DMD: variants seen among roughly 807,000 people sequenced by gnomAD.
DMD encodes the protein mutant dystrophin.
Under a neutral mutation model 330.1 loss-of-function variants are expected in DMD, and 63 were observed. The observed-to-expected ratio is 0.19, with a 90% CI of 0.16 to 0.24. The LOEUF (loss-of-function observed/expected upper bound fraction) is 0.24, where lower values mean the gene tolerates loss of function less well. Among genes scored for constraint, DMD ranks in the 10% least tolerant of loss-of-function variants. The pLI is 1.00. For synonymous variants in DMD, 1,223 were observed against 959.8 expected (o/e 1.27, Z -5.07); for missense variants, 3,344 against 2,684.1 (o/e 1.25, Z -5.43).
chrX:31,696,962 C>A (rs1003636632), intron 52 of DMD, among the ~76,000 whole-genome samples: 1 of 111,991 alleles, frequency 8.9e-6, no homozygotes, highest in Non-Finnish European at 1.9e-5. Flanking sequence ...CAAGAGTAGA[C>A]CCTGCAGAAA....
intron 78 of DMD, among the ~76,000 whole-genome samples, chrX:31,123,154 T>G (rs2147612974): frequency 8.9e-6 from 1 of 112,001 alleles, no homozygotes; most frequent in South Asian, 3.7e-4. Context: ...ATATAGCTTC[T>G]CTACAAAATG....
intron 43 of DMD, among the ~76,000 whole-genome samples, chrX:32,264,152 T>C (rs766572285): frequency 1.0e-4 from 11 of 110,538 alleles, no homozygotes; most frequent in African/African-American, 2.6e-4. Context: ...CGTGCTGCTG[T>C]TCTTATGATA....
At chrX:32,735,014 C>G (rs1021575300) in intron 7 of DMD, among the ~76,000 whole-genome samples, 8 of 111,003 alleles carry the variant, frequency 7.2e-5, no homozygotes, top group African/African-American at 2.3e-4. Flanking sequence ...ATCTAGAAAA[C>G]CCCACTGTCT....
chrX:31,191,545 T>G (rs1476866793), intron 67 of DMD, among the ~76,000 whole-genome samples: 3 of 110,557 alleles, frequency 2.7e-5, no homozygotes, highest in Non-Finnish European at 5.7e-5. Context: ...TGATAGTGAA[T>G]GAGTCTCACA....
At chrX:32,922,672 G>A (rs1394886099) in intron 2 of DMD, among the ~76,000 whole-genome samples, 1 of 112,502 alleles carries the variant, frequency 8.9e-6, no homozygotes, top group Admixed American at 9.4e-5. Flanking sequence ...GCAGAGCTCA[G>A]GCTTGCCCGG....
At chrX:31,742,535 C>A (rs1427458999) in intron 51 of DMD, among the ~76,000 whole-genome samples, 1 of 111,293 alleles carries the variant, frequency 9.0e-6, no homozygotes, top group Non-Finnish European at 1.9e-5. Flanking sequence ...AGTGGAGTAG[C>A]CAGAACACAC....
At chrX:32,944,735 G>C (rs1188992479) in intron 2 of DMD, among the ~76,000 whole-genome samples, 1 of 109,246 alleles carries the variant, frequency 9.2e-6, no homozygotes, top group Non-Finnish European at 1.9e-5. Context: ...CTCCCGAGTA[G>C]CTGGGATTAC....
Position 33,317,259 on chromosome X carries a change from G to T in DMD, c.7+22000C>A, listed in dbSNP as rs886648408. 4.5e-5 allele frequency among the ~76,000 whole-genome samples: 5 copies of T among 110,876 alleles called. No homozygotes were observed. The Admixed American group carries it at 4.8e-4, about 11-fold the overall frequency. On this transcript the variant is annotated intron_variant, in intron 1 of 17. Coordinates refer to the DMD transcript ENST00000288447. The stretch of plus-strand genomic sequence containing the variant: ...TAAATGGTCTTAAAGAGATTATATT[G>T]CTCATTTGCCAGAATCCATGCTTTC...
At chrX:31,214,796 C>T (rs780355205) in intron 64 of DMD, among the ~76,000 whole-genome samples, 3 of 110,347 alleles carry the variant, frequency 2.7e-5, no homozygotes, top group African/African-American at 9.9e-5. Flanking sequence ...TGAAACTTCA[C>T]AAGTTGGGGA....
chrX:33,080,974 T>TCACACACA (rs763162216), intron 1 of DMD, among the ~76,000 whole-genome samples: 207 of 92,705 alleles, frequency 2.2e-3, no homozygotes, highest in African/African-American at 5.8e-3. Context: ...TTTATAAACA[T>TCACACACA]CACACACACA....
At chrX:33,250,602 G>A (rs895718428) in intron 1 of DMD, among the ~76,000 whole-genome samples, 4 of 110,713 alleles carry the variant, frequency 3.6e-5, no homozygotes, top group African/African-American at 1.3e-4. Flanking sequence ...ATATAAATAC[G>A]TATTGTCTAT....
chrX:32,391,263 G>A (rs1238413562), intron 30 of DMD, among the ~76,000 whole-genome samples: 1 of 111,194 alleles, frequency 9.0e-6, no homozygotes, highest in Non-Finnish European at 1.9e-5. Context: ...ACATTATCAT[G>A]CAGATCATTT....
chrX:32,365,136 C>T lies in DMD; in HGVS notation c.4909G>A (p.Ala1637Thr), dbSNP rs2097850083. The T allele has an allele frequency of 8.3e-7, 1 of 1,210,546 alleles. No individual in the cohort carries two copies. Among genetic ancestry groups the T allele is most frequent in the Non-Finnish European group, 1.1e-6 (1 of 894,927 alleles). ...TTCTTGCCCAAAACTGTTTTCAAGGCCTCTCCTACCTCTGTGATACTCTTC... is the reference window on the plus strand; with the variant it reads ...TTCTTGCCCAAAACTGTTTTCAAGGTCTCTCCTACCTCTGTGATACTCTTC... ...HLKSITEVGEALKTVLGKKET... is the reference protein window; with the variant it reads ...HLKSITEVGETLKTVLGKKET... Residue 1637 changes from alanine (A) to threonine (T), a missense_variant, in exon 35 of 79, where the codon GCC (alanine) becomes ACC (threonine). Ala to Thr is a moderately conservative substitution (Grantham distance 58). Coordinates refer to ENST00000357033, the MANE Select transcript of DMD (RefSeq NM_004006.3).
chrX:31,466,143 T>C (rs1003900806), intron 59 of DMD, among the ~76,000 whole-genome samples: 3 of 112,437 alleles, frequency 2.7e-5, no homozygotes, highest in Non-Finnish European at 5.6e-5. Context: ...TTCACTCTGA[T>C]GATAGTTTCT....
chrX:31,130,059 C>A (rs1032570842), intron 77 of DMD, among the ~76,000 whole-genome samples: 1 of 111,318 alleles, frequency 9.0e-6, no homozygotes, highest in African/African-American at 3.3e-5. Context: ...TAACTGCTTT[C>A]TGGATTGTTT....
In DMD at chrX:32,501,956, T is replaced by G; in HGVS notation, c.2293-114A>C. ...TAAGATGTTTCACTCTGTCAGCTTA[T>G]CACGTGAATCTAAAGACTTTTTCTC... On this transcript the variant is annotated intron_variant, in intron 18 of 78. Transcript: ENST00000357033. The G allele has an allele frequency of 7.2e-6, 4 of 558,305 alleles. No individual in the cohort carries two copies. The South Asian group carries it at 1.1e-4, about 16-fold the overall frequency. 46.0% of individuals were successfully genotyped at this position (558,305 alleles called of 1,213,427 possible).
intron 60 of DMD, among the ~76,000 whole-genome samples, chrX:31,420,973 G>T (rs1025186229): frequency 1.8e-5 from 2 of 111,986 alleles, no homozygotes; most frequent in African/African-American, 6.5e-5. Flanking sequence ...AGTGCCACAT[G>T]AAATCCAAGG....
At chrX:31,952,980 A>G (rs752556781) in intron 45 of DMD, among the ~76,000 whole-genome samples, 1 of 112,316 alleles carries the variant, frequency 8.9e-6, no homozygotes, top group South Asian at 3.7e-4. Flanking sequence ...TCCTAGAGGT[A>G]AGCATAGCTT....
At position 31,178,814 on chromosome X, in the gene DMD, G is replaced by C. The variant is rs777590351; in HGVS notation, c.10087-9C>G. On this transcript the variant is annotated splice_polypyrimidine_tract_variant and intron_variant, in intron 69 of 78. Transcript: ENST00000357033. ...TCTTCTCCTGATGTAGTCTAAAAGGGAGATCATGGTGAGATCAGATTTAGG... is the reference window on the plus strand; with the variant it reads ...TCTTCTCCTGATGTAGTCTAAAAGGCAGATCATGGTGAGATCAGATTTAGG... 13 of 1,207,832 alleles carry C rather than the reference G, an allele frequency of 1.1e-5. No individual in the cohort carries two copies. The South Asian group carries it at 1.2e-4, about 11-fold the overall frequency.
Sources: gnomAD v4.1 joint callset for allele counts (sites outside exome capture counted in the v4.1 genomes callset) on GRCh38, gnomAD v4.1.1 for gene constraint, MANE v1.5 for transcripts, NCBI Gene and HGNC (gene_info 2026-07-23, HGNC 2026-07-21) for gene names.